ROR2: variants seen among roughly 807,000 people sequenced by gnomAD.
The protein encoded by ROR2 is tyrosine-protein kinase transmembrane receptor ROR2.
Under a neutral mutation model 74.9 loss-of-function variants are expected in ROR2, and 33 were observed. That is an observed-to-expected ratio of 0.44 (90% CI 0.33 to 0.59). The LOEUF is 0.59. Ranked by LOEUF, ROR2 falls within the 20% of genes least tolerant of loss-of-function variation. The probability of loss-of-function intolerance (pLI) is 0.02; values close to 1 mark genes in which losing one functional copy is unlikely to be tolerated. For synonymous variants in ROR2, 586 were observed against 558.7 expected (o/e 1.05, Z -0.69); for missense variants, 1,216 against 1,313.8 (o/e 0.93, Z 1.15).
chr9:91,889,583 C>T (rs890376988), intron 1 of ROR2, among the ~76,000 whole-genome samples: 1 of 152,144 alleles, frequency 6.6e-6, no homozygotes, highest in Non-Finnish European at 1.5e-5. Context: ...ACCTACAGGG[C>T]GGGCCAGAAG....
chr9:91,737,075 G>A (rs1207358184), intron 5 of ROR2, among the ~76,000 whole-genome samples: 3 of 152,200 alleles, frequency 2.0e-5, no homozygotes, highest in Non-Finnish European at 2.9e-5. Context: ...TGGCAGGCCC[G>A]GGGCAGGAGG....
chr9:91,791,650 A>G (rs983205662), intron 1 of ROR2, among the ~76,000 whole-genome samples: 1 of 152,230 alleles, frequency 6.6e-6, no homozygotes, highest in African/African-American at 2.4e-5. Context: ...TGGAGATGTC[A>G]ACACTCCACT....
chr9:91,944,635 TACTC>T (rs1330173655), intron 1 of ROR2, among the ~76,000 whole-genome samples: 1 of 152,086 alleles, frequency 6.6e-6, no homozygotes, highest in Non-Finnish European at 1.5e-5. Context: ...AAGAATAAAA[TACTC>T]AGGAATAGAT....
chr9:91,925,440 C>T (rs1831371001), intron 1 of ROR2, among the ~76,000 whole-genome samples: 1 of 151,316 alleles, frequency 6.6e-6, no homozygotes, highest in South Asian at 2.1e-4. Flanking sequence ...AGGTACACAC[C>T]CCTGACAATG....
chr9:91,782,611 C>T (rs528861720), intron 1 of ROR2, among the ~76,000 whole-genome samples: 3 of 131,076 alleles, frequency 2.3e-5, no homozygotes, highest in Admixed American at 2.3e-4. Context: ...AAAAAACCCT[C>T]ATAATGTTTT....
chr9:91,889,975 G>A (rs1830385005), intron 1 of ROR2, among the ~76,000 whole-genome samples: 1 of 152,170 alleles, frequency 6.6e-6, no homozygotes, highest in Non-Finnish European at 1.5e-5. Flanking sequence ...TCCTGGCTGA[G>A]CCAACCAGAA....
At chr9:91,786,340 CAATCAATCAATA>C (rs956676785) in intron 1 of ROR2, among the ~76,000 whole-genome samples, 4 of 111,344 alleles carry the variant, frequency 3.6e-5, no homozygotes, top group African/African-American at 1.2e-4. Context: ...ATCAATCAAT[CAATCAATCAATA>C]AGTAAATAAA....
chr9:91,793,183 A>G (rs1007009247), intron 1 of ROR2, among the ~76,000 whole-genome samples: 1 of 152,236 alleles, frequency 6.6e-6, no homozygotes, highest in African/African-American at 2.4e-5. Context: ...AGACAAGCAC[A>G]TCTTCCTTGG....
At chr9:91,743,987 A>G (rs1239616151) in intron 4 of ROR2, among the ~76,000 whole-genome samples, 1 of 152,236 alleles carries the variant, frequency 6.6e-6, no homozygotes, top group African/African-American at 2.4e-5. Context: ...ACATTCATAC[A>G]ACAGAATACT....
intron 5 of ROR2, among the ~76,000 whole-genome samples, chr9:91,736,219 G>A (rs1825020013): frequency 6.6e-6 from 1 of 152,112 alleles, no homozygotes; most frequent in African/African-American, 2.4e-5. Flanking sequence ...GGCTCTTTCA[G>A]TTTGCACAGG....
intron 1 of ROR2, among the ~76,000 whole-genome samples, chr9:91,878,992 A>C (rs1830030500): frequency 6.6e-6 from 1 of 152,102 alleles, no homozygotes; most frequent in Non-Finnish European, 1.5e-5. Context: ...CAGTGAGCCG[A>C]GATCGCGCCA....
intron 1 of ROR2, among the ~76,000 whole-genome samples, chr9:91,887,814 T>TG (rs1238772296): frequency 9.3e-6 from 1 of 107,864 alleles, no homozygotes; most frequent in African/African-American, 4.3e-5. Flanking sequence ...TTTTTTGAGA[T>TG]GGAGTCTCAC....
At chr9:91,801,104 C>T (rs1426257190) in intron 1 of ROR2, among the ~76,000 whole-genome samples, 1 of 152,122 alleles carries the variant, frequency 6.6e-6, no homozygotes, top group African/African-American at 2.4e-5. Context: ...CTCCCACCAT[C>T]ATTTTCATAT....
intron 1 of ROR2, among the ~76,000 whole-genome samples, chr9:91,931,155 AG>A (rs1831539468): frequency 1.3e-5 from 2 of 152,242 alleles, no homozygotes; most frequent in African/African-American, 4.8e-5. Context: ...AATATCAAGA[AG>A]AAAAAAACAA....
At chr9:91,806,279 G>A (rs182689672) in intron 1 of ROR2, among the ~76,000 whole-genome samples, 5 of 152,300 alleles carry the variant, frequency 3.3e-5, no homozygotes, top group Admixed American at 2.0e-4. Flanking sequence ...CATGTCTGAT[G>A]AGGGTCCACT....
intron 1 of ROR2, among the ~76,000 whole-genome samples, chr9:91,786,787 A>G (rs1388728829): frequency 6.6e-6 from 1 of 152,200 alleles, no homozygotes; most frequent in African/African-American, 2.4e-5. Context: ...TATGAAAACA[A>G]CAGCAAACTG....
At chr9:91,882,408 C>G (rs1316949050) in intron 1 of ROR2, among the ~76,000 whole-genome samples, 5 of 118,512 alleles carry the variant, frequency 4.2e-5, no homozygotes, top group African/African-American at 1.9e-4. Flanking sequence ...GAGACTCTGT[C>G]TCAAAAAAAA....
At chr9:91,760,037 C>G (rs1297661003) in intron 2 of ROR2, among the ~76,000 whole-genome samples, 1 of 152,240 alleles carries the variant, frequency 6.6e-6, no homozygotes, top group Non-Finnish European at 1.5e-5. Flanking sequence ...AAATTTTTCT[C>G]TAACCTCCCC....
chr9:91,757,166 C>T (rs1182037637), intron 3 of ROR2, 106 bp downstream of exon 3: 11 of 1,437,394 alleles, frequency 7.7e-6, no homozygotes, highest in East Asian at 6.9e-5. Context: ...GCTCTCCCCT[C>T]GTGCTGACTG....
Sources: allele counts gnomAD v4.1 joint callset (sites outside exome capture counted in the v4.1 genomes callset), GRCh38; gene constraint gnomAD v4.1.1; transcripts MANE v1.5; gene names NCBI Gene and HGNC (gene_info 2026-07-23, HGNC 2026-07-21).